Variants in INO80 observed in about 807,000 individuals in gnomAD.
INO80 encodes the protein INO80 complex ATPase subunit.
In INO80, 20 loss-of-function variants were observed where a neutral mutation model predicts 203.4. The observed-to-expected ratio is 0.10, with a 90% CI of 0.07 to 0.14. INO80 has a LOEUF of 0.14. INO80 is among the 10% of genes least tolerant of loss of function. INO80 has a pLI of 1.00. For missense variants in INO80, 1,419 were observed against 1,914.4 expected (o/e 0.74, Z 4.83); for synonymous variants, 726 against 685.2 (o/e 1.06, Z -0.93).
intron 28 of INO80, chr15:41,005,320 A>G: frequency 3.2e-6 from 1 of 310,800 alleles, no homozygotes. Flanking sequence ...CTTAGAAATG[A>G]TTTCTTTTAT....
At chr15:41,025,576 G>A (rs571558030) in intron 25 of INO80, among the ~76,000 whole-genome samples, 6 of 152,194 alleles carry the variant, frequency 3.9e-5, no homozygotes, top group African/African-American at 1.2e-4. Context: ...TGAGCTGGGC[G>A]TGATGGCATG....
chr15:41,090,192 A>C (rs2045614426), intron 5 of INO80, among the ~76,000 whole-genome samples: 1 of 152,266 alleles, frequency 6.6e-6, no homozygotes, highest in Non-Finnish European at 1.5e-5. Context: ...AATCTTGAAA[A>C]TATGACATTA....
intron 1 of INO80, among the ~76,000 whole-genome samples, chr15:41,111,317 A>C (rs1191133558): frequency 1.3e-5 from 2 of 152,178 alleles, no homozygotes; most frequent in African/African-American, 4.8e-5. Flanking sequence ...GTGGTGGCAC[A>C]TGCCTGTAGT....
chr15:41,042,055 C>T (rs1462078236), intron 24 of INO80, among the ~76,000 whole-genome samples: 5 of 150,646 alleles, frequency 3.3e-5, no homozygotes, highest in Admixed American at 6.6e-5. Flanking sequence ...GCTCTGTTGC[C>T]CAGGCTGGAG....
At chr15:41,006,948 T>A (rs937600681) in intron 27 of INO80, among the ~76,000 whole-genome samples, 5 of 151,880 alleles carry the variant, frequency 3.3e-5, no homozygotes, top group African/African-American at 1.2e-4. Flanking sequence ...GGCAGAAGGG[T>A]AGGGGGCGTT....
chr15:41,004,437 G>A (rs2044007659), intron 28 of INO80: 1 of 152,238 alleles, frequency 6.6e-6, no homozygotes, highest in Non-Finnish European at 1.5e-5. Context: ...TAAGAATTCA[G>A]AAGTGAAATA....
intron 28 of INO80, among the ~76,000 whole-genome samples, chr15:40,998,405 G>A (rs2043910355): frequency 6.6e-6 from 1 of 152,086 alleles, no homozygotes; most frequent in Admixed American, 6.6e-5. Context: ...ACTTTTATGT[G>A]CTAACTTGAA....
At position 41,079,870 on chromosome 15, in the gene INO80, G is replaced by C; in HGVS notation, c.962C>G (p.Ala321Gly). The C allele has an allele frequency of 1.9e-6, 3 of 1,614,150 alleles. No individual in the cohort carries two copies. The highest frequency in any genetic ancestry group is 2.5e-6 in the Non-Finnish European group (3 of 1,180,038). The change falls in exon 9 of 36, where the codon GCT (alanine) becomes GGT (glycine). Residue 321 changes from alanine (A) to glycine (G), a missense_variant. Around this residue, in one of 9 missense-constraint regions of INO80, gnomAD observed 87 missense variants for 150.5 expected, o/e 0.58. Coordinates refer to ENST00000648947, the MANE Select transcript of INO80 (RefSeq NM_017553.3). ...AHQCMKEVRR[A>G]ALQAQKNCKE... is the part of the protein sequence containing the mutation. ...ACAGTTCTTCTGGGCCTGCAAGGCA[G>C]CTCGACGCACCTCCTTCATGCACTG...
chr15:41,083,914 C>CT (rs1310295069), intron 7 of INO80, among the ~76,000 whole-genome samples: 1 of 152,072 alleles, frequency 6.6e-6, no homozygotes, highest in Admixed American at 6.6e-5. Flanking sequence ...CAGTACCATA[C>CT]TTTTTTAACT....
rs910290013 is a variant in INO80, at chr15:41,110,544, T to C, written c.-44+5429A>G. On this transcript the variant is annotated intron_variant, in intron 1 of 35. Coordinates refer to ENST00000648947, the MANE Select transcript of INO80 (RefSeq NM_017553.3). ...GCCTTGACCTGCTGAGCTCAGGTGA[T>C]CCTCCCATTTCGGCCTCCAGAGTAG... Among the ~76,000 whole-genome samples the C allele has an allele frequency of 4.6e-5, 7 of 152,046 alleles. No homozygotes were observed. In the East Asian group the frequency reaches 1.3e-3, roughly 29 times the overall value.
chr15:41,017,433 T>C (rs1470388818), intron 26 of INO80: 1 of 152,174 alleles, frequency 6.6e-6, no homozygotes, highest in East Asian at 1.9e-4. Flanking sequence ...GGAGATATTA[T>C]ATAGACAACT....
intron 27 of INO80, 46 bp downstream of exon 27, chr15:41,016,042 A>G (rs757453930): frequency 1.3e-6 from 2 of 1,531,984 alleles, no homozygotes; most frequent in Non-Finnish European, 1.8e-6. Context: ...GATTCCTACA[A>G]ATTAAATGTC....
At position 41,021,135 on chromosome 15, in the gene INO80, A is replaced by C; in HGVS notation, c.3049-10T>G. ...ATGGCACTGCGGTAACCTGCAGTTA[A>C]AGATTCACATGAGATGGCTCTTTCA... On this transcript the variant is annotated splice_polypyrimidine_tract_variant and intron_variant, in intron 25 of 35. Coordinates refer to ENST00000648947, the MANE Select transcript of INO80 (RefSeq NM_017553.3). 2 of 1,593,144 alleles carry C rather than the reference A, an allele frequency of 1.3e-6. No homozygotes were observed. The highest frequency in any genetic ancestry group is 8.6e-7 in the Non-Finnish European group (1 of 1,160,972).
intron 26 of INO80, chr15:41,017,849 C>T (rs2044233771): frequency 6.6e-6 from 1 of 152,150 alleles, no homozygotes; most frequent in Non-Finnish European, 1.5e-5. Flanking sequence ...TTTTGTTGGT[C>T]TCCTTACCAA....
At chr15:41,101,773 A>T (rs1019058946) in intron 1 of INO80, among the ~76,000 whole-genome samples, 4 of 151,672 alleles carry the variant, frequency 2.6e-5, no homozygotes, top group African/African-American at 9.7e-5. Context: ...GATGATCTCG[A>T]TCTCCTGACC....
intron 24 of INO80, among the ~76,000 whole-genome samples, chr15:41,042,294 G>A (rs1420778424): frequency 1.3e-5 from 2 of 152,046 alleles, no homozygotes; most frequent in East Asian, 3.9e-4. Context: ...GATTACAAGG[G>A]TAAGCCACCA....
intron 19 of INO80, among the ~76,000 whole-genome samples, chr15:41,052,632 C>T (rs1385024522): frequency 6.8e-6 from 1 of 146,036 alleles, no homozygotes; most frequent in Non-Finnish European, 1.5e-5. Context: ...GTGATTGCAC[C>T]ACTGCATTCC....
chr15:41,070,382 A>AC (rs1489361849), intron 13 of INO80, 85 bp downstream of exon 13: 1 of 1,175,196 alleles, frequency 8.5e-7, no homozygotes, highest in Admixed American at 1.8e-5. Flanking sequence ...ACACAGCTTA[A>AC]CATAGTGCTT....
intron 25 of INO80, among the ~76,000 whole-genome samples, chr15:41,022,160 T>A (rs1227007372): frequency 6.6e-6 from 1 of 152,212 alleles, no homozygotes; most frequent in Non-Finnish European, 1.5e-5. Context: ...TAAGAGATAC[T>A]CAATCTGCAT....
Sources: allele counts gnomAD v4.1 joint callset (sites outside exome capture counted in the v4.1 genomes callset), GRCh38; gene constraint gnomAD v4.1.1; regional missense constraint gnomAD v4.1.1; transcripts MANE v1.5; gene names NCBI Gene and HGNC (gene_info 2026-07-23, HGNC 2026-07-21).